The following BTG2 variants were observed in gnomAD, a reference collection of about 807,000 sequenced individuals.
BTG2 encodes protein BTG2.
BTG2 carries 9 observed loss-of-function variants against 13.1 expected under a neutral mutation model. That is an observed-to-expected ratio of 0.69 (90% CI 0.41 to 1.20). The LOEUF is 1.20. BTG2 is among the 50% of genes most tolerant of loss of function. The pLI, the probability that BTG2 is intolerant of heterozygous loss-of-function variation, is 0.00. For missense variants in BTG2, 200 were observed against 209.5 expected (o/e 0.95, Z 0.28); for synonymous variants, 92 against 88.6 (o/e 1.04, Z -0.21).
Position 203,307,115 on chromosome 1 carries a change from C to A in BTG2, c.154C>A (p.His52Asn). Residue 52 changes from histidine to asparagine, a missense_variant, in exon 2 of 2, where the codon CAC (histidine) becomes AAC (asparagine). By Grantham distance (68) the His-to-Asn change is moderately conservative. Transcript: ENST00000290551. ...LQEALTEHYK[H>N]HWFPEKPSKG... ...TCCTGTCTCCACAGAGCACTACAAA[C>A]ACCACTGGTTTCCCGAAAAGCCGTC... The A allele has an allele frequency of 6.2e-7, 1 of 1,613,988 alleles. No individual in the cohort carries two copies. The highest frequency in any genetic ancestry group is 8.5e-7 in the Non-Finnish European group (1 of 1,179,900).
Position 203,307,640 on chromosome 1 carries a change from C to A in BTG2, c.*202C>A. The stretch of plus-strand genomic sequence containing the variant: ...AGGGAGCTGCTTGGAAGTGGCCTCC[C>A]CAGGTGCCTTTGGAGAGAACTGTTG... On this transcript the variant is annotated 3_prime_UTR_variant, in exon 2 of 2. Coordinates refer to ENST00000290551, the MANE Select transcript of BTG2 (RefSeq NM_006763.3). The A allele has an allele frequency of 2.5e-6, 1 of 402,188 alleles. No individual in the cohort carries two copies. The highest frequency in any genetic ancestry group is 4.3e-6 in the Non-Finnish European group (1 of 233,252). The allele number at this position is 402,188 out of a possible 1,614,324, so 24.9% of individuals were successfully genotyped here. A position where few individuals can be genotyped will look rare whatever the true frequency, so the allele number is the denominator to read the frequency against.
At chr1:203,306,274 G>A (rs1658269982) in intron 1 of BTG2, among the ~76,000 whole-genome samples, 1 of 152,264 alleles carries the variant, frequency 6.6e-6, no homozygotes, top group Admixed American at 6.5e-5. Flanking sequence ...CCCCCTTTGT[G>A]TTATCTTTGG....
chr1:203,307,463 C>A lies in BTG2; in HGVS notation c.*25C>A. 1.3e-6 allele frequency: 2 copies of A among 1,542,736 alleles called. No homozygotes were observed. The highest frequency in any genetic ancestry group is 1.8e-6 in the Non-Finnish European group (2 of 1,141,896). ...GGCCCTTCCGCCCCCGCCCTGGGCGCCGCCGTGCTCATGCTGCCGTGACAA... is the reference window on the plus strand; with the variant it reads ...GGCCCTTCCGCCCCCGCCCTGGGCGACGCCGTGCTCATGCTGCCGTGACAA... On this transcript the variant is annotated 3_prime_UTR_variant, in exon 2 of 2. Coordinates refer to ENST00000290551, the MANE Select transcript of BTG2 (RefSeq NM_006763.3).
rs543409078 is a variant in BTG2 at position 203,307,467 on chromosome 1, C to T, written c.*29C>T. ...CTTCCGCCCCCGCCCTGGGCGCCGC[C>T]GTGCTCATGCTGCCGTGACAACAGG... On this transcript the variant is annotated 3_prime_UTR_variant, in exon 2 of 2. Transcript: ENST00000290551. 39 of 1,537,464 alleles carry T rather than the reference C, an allele frequency of 2.5e-5. No homozygotes were observed. The highest frequency in any genetic ancestry group is 5.0e-5 in the South Asian group (4 of 80,800).
In BTG2 at chr1:203,305,529, C is replaced by A. The variant is rs965246342; in HGVS notation, c.-78C>A. 7 of 1,490,514 alleles carry A rather than the reference C, an allele frequency of 4.7e-6. No homozygotes were observed. In the African/African-American group the frequency reaches 8.5e-5, roughly 18 times the overall value. The allele number at this position is 1,490,514 out of a possible 1,614,324, so 92.3% of individuals were successfully genotyped here. ...GGGGAAAGTCCGGGCAGAGCCCGAG[C>A]AGCGGCCAGGGTAACGCTGTCTTGT... On this transcript the variant is annotated 5_prime_UTR_variant, in exon 1 of 2. Transcript: ENST00000290551.
At chr1:203,306,221 G>A (rs181987301) in intron 1 of BTG2, among the ~76,000 whole-genome samples, 1 of 152,306 alleles carries the variant, frequency 6.6e-6, no homozygotes, top group African/African-American at 2.4e-5. Flanking sequence ...CTGTGCCTGG[G>A]GTAGTCCACT....
chr1:203,307,807 CAG>C lies in BTG2; in HGVS notation c.*374_*375del, dbSNP rs1415039233. The C allele has an allele frequency of 6.2e-6, 1 of 161,246 alleles. No individual in the cohort carries two copies. The highest frequency in any genetic ancestry group is 1.3e-5 in the Non-Finnish European group (1 of 74,254). The allele number at this position is 161,246 out of a possible 1,614,324, so 10.0% of individuals were successfully genotyped here. A position where few individuals can be genotyped will look rare whatever the true frequency, so the allele number is the denominator to read the frequency against. On this transcript the variant is annotated 3_prime_UTR_variant, in exon 2 of 2. Transcript: ENST00000290551. Reference sequence around the variant, plus strand: ...AGCAAGCAAGGTTAGCAACTGTGAACAGAGAGGTCGGGATTTGCCCTGGGGGA... The same window carrying C: ...AGCAAGCAAGGTTAGCAACTGTGAACAGAGGTCGGGATTTGCCCTGGGGGA...
rs572441160 is a variant in BTG2 at position 203,307,417 on chromosome 1, C to T, written c.456C>T (p.Tyr152=). ...GCCGGAGCAGCCCCTCCAAGAACTACGTGATGGCAGTCTCCAGCTAGGCCC... is the reference window on the plus strand; with the variant it reads ...GCCGGAGCAGCCCCTCCAAGAACTATGTGATGGCAGTCTCCAGCTAGGCCC... ...LLGRSSPSKN[Y]VMAVSS is the part of the protein sequence containing the mutation. Residue 152 remains tyrosine (Y), a synonymous_variant, in exon 2 of 2, where the codon TAC becomes TAT. Coordinates refer to ENST00000290551, the MANE Select transcript of BTG2 (RefSeq NM_006763.3). 17 of 1,594,092 alleles carry T rather than the reference C, an allele frequency of 1.1e-5. 1 individual carries two copies. The highest frequency in any genetic ancestry group is 8.9e-5 in the South Asian group (8 of 89,924).
At chr1:203,306,551 G>A (rs1658278841) in intron 1 of BTG2, among the ~76,000 whole-genome samples, 2 of 152,124 alleles carry the variant, frequency 1.3e-5, no homozygotes, top group Admixed American at 6.5e-5. Context: ...CTTAGGCACT[G>A]CTAAGGAAGG....
In BTG2 at chr1:203,306,824, T is replaced by A. The variant is rs553774691; in HGVS notation, c.143-280T>A. ...CGCACACACACACACACACACACTC[T>A]CTCTCTCACACACACACACTCAGTC... On this transcript the variant is annotated intron_variant, in intron 1 of 1. Transcript: ENST00000290551. 6.5e-3 allele frequency among the ~76,000 whole-genome samples: 781 copies of A among 120,066 alleles called. 12 individuals are homozygous for A. Among genetic ancestry groups the A allele is most frequent in the African/African-American group, 0.024 (725 of 30,636 alleles). The allele number at this position is 120,066 out of a possible 152,430, so 78.8% of individuals were successfully genotyped here.
intron 1 of BTG2, among the ~76,000 whole-genome samples, chr1:203,306,229 A>G (rs955081875): frequency 6.6e-5 from 10 of 152,198 alleles, no homozygotes; most frequent in Non-Finnish European, 2.9e-5. Flanking sequence ...GGGGTAGTCC[A>G]CTGGTTGCTG....
In BTG2 at chr1:203,308,340, C is replaced by T. The variant is rs1658320061; in HGVS notation, c.*902C>T. On this transcript the variant is annotated 3_prime_UTR_variant, in exon 2 of 2. Transcript: ENST00000290551. ...AAGTCTTGATGCTGCTGCCATGATCCCTTTGAGAGGTGGCTCAAAAGCTAC... is the reference window on the plus strand; with the variant it reads ...AAGTCTTGATGCTGCTGCCATGATCTCTTTGAGAGGTGGCTCAAAAGCTAC... 6.6e-6 allele frequency: 1 copy of T among 152,638 alleles called. No individual in the cohort carries two copies. The highest frequency in any genetic ancestry group is 2.4e-5 in the African/African-American group (1 of 41,446). 9.5% of individuals were successfully genotyped at this position (152,638 alleles called of 1,614,324 possible). A position where few individuals can be genotyped will look rare whatever the true frequency, so the allele number is the denominator to read the frequency against.
Position 203,307,376 on chromosome 1 carries a change from A to G in BTG2, c.415A>G (p.Asn139Asp). Residue 139 changes from asparagine (N) to aspartate (D), a missense_variant, in exon 2 of 2, where the codon AAC becomes GAC. Physicochemically the swap from Asn to Asp is conservative, Grantham distance 23. Transcript: ENST00000290551. ...CTCCTGTGGGCTCCTCACCTGCAAG[A>G]ACCAAGTGCTGCTGGGCCGGAGCAG... ...AASCGLLTCK[N>D]QVLLGRSSPS... 1.2e-6 allele frequency: 2 copies of G among 1,611,336 alleles called. No homozygotes were observed. Among genetic ancestry groups the G allele is most frequent in the Non-Finnish European group, 1.7e-6 (2 of 1,177,810 alleles).
rs1658242159 is a variant in BTG2, at chr1:203,305,734, A to G, written c.128A>G (p.Gln43Arg). 1.3e-6 allele frequency: 2 copies of G among 1,549,134 alleles called. No individual in the cohort carries two copies. The highest frequency in any genetic ancestry group is 2.0e-5 in the Admixed American group (1 of 50,820). The change falls in exon 1 of 2, where the codon CAG (glutamine) becomes CGG (arginine). Residue 43 changes from glutamine to arginine, a missense_variant. Physicochemically the swap from Gln to Arg is conservative, Grantham distance 43 (BLOSUM62 1). Transcript: ENST00000290551. ...CTTAAGGTCTTCAGCGGGGCGCTCCAGGAGGCACTCACAGGTGAGCGCATG... is the reference window on the plus strand; with the variant it reads ...CTTAAGGTCTTCAGCGGGGCGCTCCGGGAGGCACTCACAGGTGAGCGCATG... ...QRLKVFSGALQEALTEHYKHH... is the reference protein window; with the variant it reads ...QRLKVFSGALREALTEHYKHH...
intron 1 of BTG2, among the ~76,000 whole-genome samples, chr1:203,306,077 A>T (rs564044228): frequency 6.6e-6 from 1 of 151,796 alleles, no homozygotes; most frequent in Non-Finnish European, 1.5e-5. Flanking sequence ...GACCCTCGAG[A>T]TCTTAAGACC....
At chr1:203,306,470 G>C (rs1571500824) in intron 1 of BTG2, among the ~76,000 whole-genome samples, 1 of 152,172 alleles carries the variant, frequency 6.6e-6, no homozygotes, top group Middle Eastern at 3.4e-3. Flanking sequence ...AGCCATCTCG[G>C]AACGCACCCA....
intron 1 of BTG2, among the ~76,000 whole-genome samples, chr1:203,306,238 T>C (rs926123633): frequency 6.6e-6 from 1 of 152,212 alleles, no homozygotes; most frequent in African/African-American, 2.4e-5. Flanking sequence ...CACTGGTTGC[T>C]GACTGGCTTC....
intron 1 of BTG2, among the ~76,000 whole-genome samples, chr1:203,306,316 A>T (rs1658271959): frequency 1.3e-5 from 2 of 152,174 alleles, no homozygotes; most frequent in East Asian, 1.9e-4. Flanking sequence ...CTATTGTGGT[A>T]GGGAGGAGAG....
Position 203,307,392 on chromosome 1 carries a change from G to T in BTG2, c.431G>T (p.Gly144Val). The T allele has an allele frequency of 6.2e-7, 1 of 1,606,434 alleles. No individual in the cohort carries two copies. Among genetic ancestry groups the T allele is most frequent in the Non-Finnish European group, 8.5e-7 (1 of 1,174,210 alleles). Residue 144 changes from glycine to valine, a missense_variant, in exon 2 of 2, where the codon GGC (glycine) becomes GTC (valine). Coordinates refer to ENST00000290551, the MANE Select transcript of BTG2 (RefSeq NM_006763.3). ...LLTCKNQVLL[G>V]RSSPSKNYVM... ...ACCTGCAAGAACCAAGTGCTGCTGGGCCGGAGCAGCCCCTCCAAGAACTAC... is the reference window on the plus strand; with the variant it reads ...ACCTGCAAGAACCAAGTGCTGCTGGTCCGGAGCAGCCCCTCCAAGAACTAC...
Sources: gnomAD v4.1 joint callset for allele counts (sites outside exome capture counted in the v4.1 genomes callset) on GRCh38, gnomAD v4.1.1 for gene constraint, MANE v1.5 for transcripts, NCBI Gene and HGNC (gene_info 2026-07-23, HGNC 2026-07-21) for gene names.